ACOX3: variants seen among roughly 807,000 people sequenced by gnomAD.
The protein encoded by ACOX3 is acyl-CoA oxidase 3, pristanoyl.
In ACOX3, 73 loss-of-function variants were observed where a neutral mutation model predicts 81.5. The observed-to-expected ratio is 0.90, with a 90% CI of 0.74 to 1.09. ACOX3 has a LOEUF of 1.09. ACOX3 is among the 50% of genes least tolerant of loss of function. ACOX3 has a pLI of 0.00. For synonymous variants in ACOX3, 387 were observed against 375.1 expected (o/e 1.03, Z -0.37); for missense variants, 947 against 928.0 (o/e 1.02, Z -0.27).
At chr4:8,372,817 C>A (rs190738734) in intron 16 of ACOX3, among the ~76,000 whole-genome samples, 1 of 152,350 alleles carries the variant, frequency 6.6e-6, no homozygotes, top group East Asian at 1.9e-4. Flanking sequence ...CAGTTCCTAG[C>A]AGCAAAAGTG....
At chr4:8,413,374 C>T (rs1193389006) in intron 5 of ACOX3, among the ~76,000 whole-genome samples, 1 of 142,818 alleles carries the variant, frequency 7.0e-6, no homozygotes, top group Non-Finnish European at 1.5e-5. Flanking sequence ...CTCCCTCCAC[C>T]CCTGTGCCCC....
In ACOX3 at chr4:8,416,272, C is replaced by A. The variant is rs1300080209; in HGVS notation, c.144+106G>T. ...GAGAGGCCGCGCTGCCTGGGATGAG[C>A]CTCGCCCGGCAGAGGAGGAGCTGTG... On this transcript the variant is annotated intron_variant, in intron 2 of 17. Coordinates refer to ENST00000356406, the MANE Select transcript of ACOX3 (RefSeq NM_003501.3). This position sits in a 1 kb window ranked among gnomAD's most constrained non-coding sequence, Gnocchi z 4.2. 1.9e-6 allele frequency: 3 copies of A among 1,585,898 alleles called. No homozygotes were observed. The highest frequency in any genetic ancestry group is 2.2e-4 in the Middle Eastern group (1 of 4,504).
intron 11 of ACOX3, among the ~76,000 whole-genome samples, chr4:8,391,985 A>G (rs947647408): frequency 6.6e-6 from 1 of 151,486 alleles, no homozygotes; most frequent in Admixed American, 6.6e-5. Flanking sequence ...CTCTCTGCCT[A>G]TATTTTGGCC....
chr4:8,407,459 G>C lies in ACOX3; in HGVS notation c.688-1416C>G, dbSNP rs1468403036. Among the ~76,000 whole-genome samples the C allele has an allele frequency of 6.6e-6, 1 of 152,196 alleles. No individual in the cohort carries two copies. Among genetic ancestry groups the C allele is most frequent in the African/African-American group, 2.4e-5 (1 of 41,444 alleles). On this transcript the variant is annotated intron_variant, in intron 6 of 17. Transcript: ENST00000356406. The surrounding 1 kb of genome is among the most constrained non-coding windows in gnomAD (Gnocchi z 4.6). ...AAGAGATAGGAAGGATCCTCCCCTA[G>C]AGCCTTTAAAGGGAATGCCGCCCTA...
In ACOX3 at chr4:8,386,573, A is replaced by G. The variant is rs979400669; in HGVS notation, c.1537+2600T>C. Among the ~76,000 whole-genome samples, 3 of 152,042 alleles carry G rather than the reference A, an allele frequency of 2.0e-5. No homozygotes were observed. The highest frequency in any genetic ancestry group is 7.2e-5 in the African/African-American group (3 of 41,410). On this transcript the variant is annotated intron_variant, in intron 13 of 17. Coordinates refer to ENST00000356406, the MANE Select transcript of ACOX3 (RefSeq NM_003501.3). The surrounding 1 kb of genome is among the most constrained non-coding windows in gnomAD (Gnocchi z 5.2). ...AGAGCGAGACTCCGTCTCAAAAAAA[A>G]AAAAAAAAAGAAAGTGACTTGCAAA...
chr4:8,437,484 C>T lies in ACOX3; in HGVS notation c.-15+3164G>A, dbSNP rs1724324913. Among the ~76,000 whole-genome samples, 1 of 152,186 alleles carries T rather than the reference C, an allele frequency of 6.6e-6. No individual in the cohort carries two copies. Among genetic ancestry groups the T allele is most frequent in the Non-Finnish European group, 1.5e-5 (1 of 68,026 alleles). On this transcript the variant is annotated intron_variant, in intron 1 of 17. Transcript: ENST00000356406. This position sits in a 1 kb window ranked among gnomAD's most constrained non-coding sequence, Gnocchi z 5.2. ...GCAGTGCGCGGGGGCAGGGCCTGTG[C>T]CACTGCCTGGCCCCGCCAGGTGGCC...
chr4:8,377,460 G>GCTCTGCA (rs1717115527), intron 14 of ACOX3, among the ~76,000 whole-genome samples: 1 of 151,772 alleles, frequency 6.6e-6, no homozygotes, highest in African/African-American at 2.4e-5. Flanking sequence ...AGCGTCACTC[G>GCTCTGCA]GCTCTGCAGC....
In ACOX3 at chr4:8,410,334, CAG is replaced by C; in HGVS notation, c.563_564del (p.Pro188ArgfsTer24). On this transcript the variant is annotated frameshift_variant, in exon 6 of 18. Transcript: ENST00000356406. LOFTEE classifies it high-confidence loss of function. ...PATEEFIIHS[P>X]DFEAAKFWVG... ...ACCCAAAACTTGGCAGCTTCGAAAT[CAG>C]GGGAATGTATGATGAATTCCTGCAC... is the stretch of plus-strand genomic sequence containing the variant. The C allele has an allele frequency of 2.5e-6, 4 of 1,614,044 alleles. No homozygotes were observed. The highest frequency in any genetic ancestry group is 3.4e-6 in the Non-Finnish European group (4 of 1,179,960).
chr4:8,421,188 G>A (rs190943167), intron 1 of ACOX3, among the ~76,000 whole-genome samples: 1 of 152,222 alleles, frequency 6.6e-6, no homozygotes, highest in Admixed American at 6.5e-5. Flanking sequence ...ACTTTCACTT[G>A]CTATTCTGTC....
rs1356631102 is a variant in ACOX3 at position 8,431,189 on chromosome 4, T to A, written c.-15+9459A>T. On this transcript the variant is annotated intron_variant, in intron 1 of 17. Transcript: ENST00000356406. The surrounding 1 kb of genome is among the most constrained non-coding windows in gnomAD (Gnocchi z 5.3). ...TCCCCTCCCTTCTCTGCCTGTCCCT[T>A]TTCACCCTCCTCTTTTCACACTTGT... Among the ~76,000 whole-genome samples, 1 of 152,142 alleles carries A rather than the reference T, an allele frequency of 6.6e-6. No individual in the cohort carries two copies. The highest frequency in any genetic ancestry group is 2.4e-5 in the African/African-American group (1 of 41,432).
intron 1 of ACOX3, among the ~76,000 whole-genome samples, chr4:8,418,821 T>C (rs1406802067): frequency 6.6e-6 from 1 of 152,122 alleles, no homozygotes; most frequent in African/African-American, 2.4e-5. Flanking sequence ...ATTGTGCCAT[T>C]GCACTCTAGC....
the ACOX3 span, chr4:8,358,052 C>G: frequency 2.0e-5 from 3 of 152,322 alleles, no homozygotes; most frequent in African/African-American, 4.8e-5. Flanking sequence ...ACAAAACAGA[C>G]TCTCTGTAGC....
rs1198377906 is a variant in ACOX3 at position 8,387,863 on chromosome 4, C to T, written c.1537+1310G>A. Among the ~76,000 whole-genome samples, 11 of 152,328 alleles carry T rather than the reference C, an allele frequency of 7.2e-5. No homozygotes were observed. The East Asian group carries it at 1.4e-3, about 19-fold the overall frequency. ...AGTGCCCTGTAGGACACGCAGAGCT[C>T]GGCTGGGTGCTTCTGTGTGGGGGCG... On this transcript the variant is annotated intron_variant, in intron 13 of 17. Transcript: ENST00000356406.
intron 1 of ACOX3, among the ~76,000 whole-genome samples, chr4:8,417,959 G>A (rs932825231): frequency 4.6e-5 from 7 of 152,178 alleles, no homozygotes; most frequent in African/African-American, 1.7e-4. Context: ...CATATTCCTG[G>A]GAAGACACAG....
Position 8,411,763 on chromosome 4 carries a change from T to C in ACOX3, c.544-1408A>G, listed in dbSNP as rs574276336. On this transcript the variant is annotated intron_variant, in intron 5 of 17. Coordinates refer to ENST00000356406, the MANE Select transcript of ACOX3 (RefSeq NM_003501.3). ...CCCAGCACATCTCACTTCTTTCTGT[T>C]GGTGTCTGTGTCTCCCCCCAGCCCA... 2.6e-5 allele frequency among the ~76,000 whole-genome samples: 4 copies of C among 152,324 alleles called. No individual in the cohort carries two copies. In the East Asian group the frequency reaches 7.7e-4, roughly 29 times the overall value.
At chr4:8,359,258 G>A in the ACOX3 span, among the ~76,000 whole-genome samples, 1 of 152,176 alleles carries the variant, frequency 6.6e-6, no homozygotes, top group Non-Finnish European at 1.5e-5. The surrounding 1 kb of genome is among the most constrained non-coding windows in gnomAD (Gnocchi z 6.0). Flanking sequence ...CTGGTTGGCC[G>A]ACTTTGAATA....
In ACOX3 at chr4:8,370,425, G is replaced by A. The variant is rs901081403; in HGVS notation, c.1983+483C>T. Among the ~76,000 whole-genome samples the A allele has an allele frequency of 3.3e-5, 5 of 152,056 alleles. No homozygotes were observed. Among genetic ancestry groups the A allele is most frequent in the Non-Finnish European group, 7.4e-5 (5 of 67,992 alleles). On this transcript the variant is annotated intron_variant, in intron 17 of 17. Transcript: ENST00000356406. The surrounding 1 kb of genome is among the most constrained non-coding windows in gnomAD (Gnocchi z 6.3). ...AGGAGGAGAGCTGAGGAGCCACAGG[G>A]AGGCGGTTGGGGGAAAGCGGGGCAG...
At chr4:8,417,652 C>T (rs1332786782) in intron 1 of ACOX3, among the ~76,000 whole-genome samples, 3 of 152,150 alleles carry the variant, frequency 2.0e-5, no homozygotes, top group Non-Finnish European at 2.9e-5. Flanking sequence ...ACAAAGTAAA[C>T]TTAAATTATT....
At chr4:8,425,594 G>A (rs143115713) in intron 1 of ACOX3, among the ~76,000 whole-genome samples, 8 of 149,338 alleles carry the variant, frequency 5.4e-5, no homozygotes, top group African/African-American at 1.7e-4. Flanking sequence ...CTGCCTTATC[G>A]CCAAGCTCCT....
Sources: gnomAD v4.1 joint callset for allele counts (sites outside exome capture counted in the v4.1 genomes callset) on GRCh38, gnomAD v4.1.1 for gene constraint, Gnocchi (gnomAD v3.1) non-coding constraint, MANE v1.5 for transcripts, NCBI Gene and HGNC (gene_info 2026-07-23, HGNC 2026-07-21) for gene names.